Variants in CSTPP1 observed in about 807,000 individuals in gnomAD.
CSTPP1 encodes UPF0705 protein C11orf49.
At chr11:47,114,908 C>T in the CSTPP1 span, among the ~76,000 whole-genome samples, 4 of 152,078 alleles carry the variant, frequency 2.6e-5, no homozygotes, top group Non-Finnish European at 5.9e-5. Flanking sequence ...TGTCTTGTGC[C>T]GGTTTTCAAA....
the CSTPP1 span, among the ~76,000 whole-genome samples, chr11:47,021,877 C>A: frequency 1.3e-5 from 2 of 151,900 alleles, no homozygotes; most frequent in African/African-American, 4.8e-5. Flanking sequence ...AAGGAGAGAT[C>A]CCCTGCCAGA....
the CSTPP1 span, among the ~76,000 whole-genome samples, chr11:46,951,959 G>A: frequency 6.6e-6 from 1 of 152,118 alleles, no homozygotes; most frequent in Admixed American, 6.5e-5. Context: ...GAGTCAGTAA[G>A]CTGTTGAGGT....
chr11:46,982,574 A>G, the CSTPP1 span, among the ~76,000 whole-genome samples: 1 of 152,136 alleles, frequency 6.6e-6, no homozygotes, highest in South Asian at 2.1e-4. Flanking sequence ...CTTTTATGGT[A>G]TTTATGCTTG....
the CSTPP1 span, among the ~76,000 whole-genome samples, chr11:47,126,407 G>A: frequency 3.3e-5 from 5 of 152,172 alleles, no homozygotes; most frequent in African/African-American, 4.8e-5. Flanking sequence ...AGGATCATTT[G>A]AGGCCAGGAT....
chr11:47,114,861 C>T, the CSTPP1 span, among the ~76,000 whole-genome samples: 1 of 152,142 alleles, frequency 6.6e-6, no homozygotes, highest in Admixed American at 6.6e-5. Flanking sequence ...GAACTTCCAA[C>T]AGTATGTTGA....
chr11:47,058,703 T>C, the CSTPP1 span, among the ~76,000 whole-genome samples: 1 of 152,238 alleles, frequency 6.6e-6, no homozygotes. Flanking sequence ...TTATTTCCTT[T>C]GCATAGAAAA....
chr11:47,143,513 C>T, the CSTPP1 span, among the ~76,000 whole-genome samples: 1 of 152,220 alleles, frequency 6.6e-6, no homozygotes, highest in Non-Finnish European at 1.5e-5. Flanking sequence ...ATGCGCCTGC[C>T]TTATGTGCTA....
At chr11:47,101,349 GA>G in the CSTPP1 span, among the ~76,000 whole-genome samples, 1 of 151,358 alleles carries the variant, frequency 6.6e-6, no homozygotes, top group African/African-American at 2.4e-5. Context: ...TTACAGAGAA[GA>G]GCCCTTTTAG....
chr11:47,110,581 C>A, the CSTPP1 span, among the ~76,000 whole-genome samples: 5,569 of 152,024 alleles, frequency 0.037, 323 homozygotes, highest in African/African-American at 0.13. Flanking sequence ...GTACTACAAA[C>A]TTCCTGGCCA....
chr11:47,160,861 T>C, the CSTPP1 span: 3 of 494,074 alleles, frequency 6.1e-6, no homozygotes, highest in African/African-American at 1.9e-5. Context: ...CCACCTGGTG[T>C]TGGAAGGGGA....
At chr11:46,939,831 A>AT in the CSTPP1 span, among the ~76,000 whole-genome samples, 949 of 152,124 alleles carry the variant, frequency 6.2e-3, 14 homozygotes, top group African/African-American at 0.022. Flanking sequence ...ATACTTTTTC[A>AT]TTTAATACAT....
chr11:47,155,326 C>A, the CSTPP1 span: 1 of 1,391,490 alleles, frequency 7.2e-7, no homozygotes, highest in Non-Finnish European at 1.0e-6. Flanking sequence ...GCCCTGCTGC[C>A]CTGCCCATCT....
chr11:47,160,827 A>C, the CSTPP1 span: 1 of 426,696 alleles, frequency 2.3e-6, no homozygotes, highest in African/African-American at 2.0e-5. Flanking sequence ...AAGGAACTCA[A>C]CTCCCAGCAC....
At chr11:46,984,721 G>T in the CSTPP1 span, among the ~76,000 whole-genome samples, 1 of 150,390 alleles carries the variant, frequency 6.6e-6, no homozygotes, top group Non-Finnish European at 1.5e-5. Flanking sequence ...ACTAAGTAGA[G>T]CTCTTTCATT....
the CSTPP1 span, among the ~76,000 whole-genome samples, chr11:47,094,604 G>C: frequency 3.3e-5 from 5 of 152,140 alleles, no homozygotes; most frequent in Non-Finnish European, 5.9e-5. Flanking sequence ...TATTAAATAT[G>C]TATAGTTTTT....
chr11:47,119,049 A>G, the CSTPP1 span, among the ~76,000 whole-genome samples: 4 of 152,246 alleles, frequency 2.6e-5, no homozygotes, highest in African/African-American at 7.2e-5. Context: ...TTGTTCAGCT[A>G]TGCCCTGCCC....
chr11:46,999,863 C>T, the CSTPP1 span, among the ~76,000 whole-genome samples: 1 of 152,186 alleles, frequency 6.6e-6, no homozygotes, highest in Non-Finnish European at 1.5e-5. Flanking sequence ...TGCTTGCCCT[C>T]TCACCTATGC....
At chr11:47,042,720 CAT>C in the CSTPP1 span, among the ~76,000 whole-genome samples, 3 of 152,092 alleles carry the variant, frequency 2.0e-5, no homozygotes, top group African/African-American at 4.8e-5. Flanking sequence ...TTATGGCAGA[CAT>C]ATGGTGTACT....
the CSTPP1 span, among the ~76,000 whole-genome samples, chr11:47,031,878 G>A: frequency 6.6e-5 from 10 of 152,188 alleles, no homozygotes; most frequent in African/African-American, 2.4e-4. Context: ...TGCAAGCTGA[G>A]GAGCAAGGAT....
Sources: allele counts gnomAD v4.1 joint callset (sites outside exome capture counted in the v4.1 genomes callset), GRCh38; gene constraint gnomAD v4.1.1; transcripts MANE v1.5; gene names NCBI Gene and HGNC (gene_info 2026-07-23, HGNC 2026-07-21).